Variants in CHFR observed in about 807,000 individuals in gnomAD.
CHFR encodes the protein checkpoint with forkhead and ring finger domains, also known as E3 ubiquitin-protein ligase CHFR.
A neutral mutation model predicts 87.6 loss-of-function variants in CHFR; 57 were observed. The observed-to-expected ratio is 0.65, with a 90% CI of 0.53 to 0.81. The LOEUF (loss-of-function observed/expected upper bound fraction) is 0.81, where lower values mean the gene tolerates loss of function less well. CHFR is among the 30% of genes least tolerant of loss of function. CHFR has a pLI of 0.00. For synonymous variants in CHFR, 381 were observed against 359.2 expected, an observed-to-expected ratio of 1.06 and a Z score of -0.69; for missense variants, 797 against 865.8, an observed-to-expected ratio of 0.92 and a Z score of 1.00.
At chr12:132,878,988 T>G (rs1008945428) in intron 2 of CHFR, among the ~76,000 whole-genome samples, 12 of 138,724 alleles carry the variant, frequency 8.7e-5, no homozygotes, top group Admixed American at 1.5e-4. Context: ...TAGGCATTTG[T>G]TTTTTTTTTT....
At chr12:132,848,923 G>GA in intron 12 of CHFR, 199 bp from the exon 13 acceptor site, 3 of 526,772 alleles carry the variant, frequency 5.7e-6, no homozygotes, top group South Asian at 3.0e-5. Flanking sequence ...TTGTATCCCT[G>GA]AAAAAAGGCG....
rs1298161920 is a variant in CHFR at position 132,872,169 on chromosome 12, T to A, written c.343+116A>T. The A allele has an allele frequency of 4.4e-6, 3 of 687,750 alleles. No homozygotes were observed. In the African/African-American group the frequency reaches 5.3e-5, roughly 12 times the overall value. The allele number at this position is 687,750 out of a possible 1,614,324, so 42.6% of individuals were successfully genotyped here. A position where few individuals can be genotyped will look rare whatever the true frequency, so the allele number is the denominator to read the frequency against. Reference sequence around the variant, plus strand: ...GAACCCATGTGAGCAAGAAATGGGGTGTAGCCAGGAGGAACGTTCCTATGG... The same window carrying A: ...GAACCCATGTGAGCAAGAAATGGGGAGTAGCCAGGAGGAACGTTCCTATGG... On this transcript the variant is annotated intron_variant, in intron 4 of 17. Transcript: ENST00000450056.
At chr12:132,869,500 A>T in intron 6 of CHFR, 119 bp downstream of exon 6, 2 of 852,188 alleles carry the variant, frequency 2.3e-6, no homozygotes, top group Non-Finnish European at 3.7e-6. Context: ...CAGAAATCTC[A>T]CTACTGAGAA....
chr12:132,855,911 C>G (rs1416720488), intron 10 of CHFR, among the ~76,000 whole-genome samples: 1 of 152,034 alleles, frequency 6.6e-6, no homozygotes, highest in Non-Finnish European at 1.5e-5. Context: ...AACATTCAGA[C>G]CCCGGTCTTG....
chr12:132,868,641 C>T (rs1287122085), intron 6 of CHFR, among the ~76,000 whole-genome samples: 2 of 152,264 alleles, frequency 1.3e-5, no homozygotes, highest in Non-Finnish European at 2.9e-5. Context: ...GATCGCACCA[C>T]TGCACTCCAG....
chr12:132,845,885 G>C (rs1950811229), intron 15 of CHFR, among the ~76,000 whole-genome samples: 1 of 152,134 alleles, frequency 6.6e-6, no homozygotes, highest in Non-Finnish European at 1.5e-5. Context: ...CTTATGATTA[G>C]GCATAATTGA....
chr12:132,852,308 T>TTA (rs1465439264), intron 11 of CHFR, among the ~76,000 whole-genome samples: 5 of 152,122 alleles, frequency 3.3e-5, no homozygotes, highest in African/African-American at 1.2e-4. Context: ...AGGTTTTCTA[T>TTA]TATTTCCTAT....
At chr12:132,859,474 C>G (rs977744914) in intron 7 of CHFR, among the ~76,000 whole-genome samples, 13 of 152,098 alleles carry the variant, frequency 8.5e-5, no homozygotes, top group African/African-American at 2.9e-4. Flanking sequence ...CCTCAGCCTC[C>G]TGAGTAGCTG....
At chr12:132,856,391 C>T in intron 10 of CHFR, 77 bp downstream of exon 10, 5 of 1,493,104 alleles carry the variant, frequency 3.3e-6, no homozygotes, top group Non-Finnish European at 4.6e-6. Flanking sequence ...GCTGTCCACC[C>T]AGTAGTGAGC....
Position 132,857,608 on chromosome 12 carries a change from G to A in CHFR, c.912-49C>T, listed in dbSNP as rs776937997. On this transcript the variant is annotated intron_variant, in intron 8 of 17. Coordinates refer to ENST00000450056, the MANE Select transcript of CHFR (RefSeq NM_001161346.2). The stretch of plus-strand genomic sequence containing the variant: ...TCCAGACAGTCCCACAGATGCAACC[G>A]CGACCCTCGACCAAGGTCCGCAGCA... 11 of 1,582,760 alleles carry A rather than the reference G, an allele frequency of 6.9e-6. No homozygotes were observed. In the Admixed American group the frequency reaches 1.1e-4, roughly 15 times the overall value.
At chr12:132,846,020 T>C (rs895393099) in intron 15 of CHFR, among the ~76,000 whole-genome samples, 3 of 152,186 alleles carry the variant, frequency 2.0e-5, no homozygotes, top group Non-Finnish European at 4.4e-5. Context: ...CTTTACTCAC[T>C]AGAAGCAGGG....
intron 17 of CHFR, 112 bp from the exon 18 acceptor site, chr12:132,841,708 C>G: frequency 1.2e-6 from 1 of 864,728 alleles, no homozygotes; most frequent in Non-Finnish European, 2.0e-6. Context: ...GGAAACCATA[C>G]ACAGAAAGAG....
rs1030056723 is a variant in CHFR, at chr12:132,870,628, C to G, written c.403+96G>C. On this transcript the variant is annotated intron_variant, in intron 5 of 17. Transcript: ENST00000450056. Reference sequence around the variant, plus strand: ...TGAGCTGAGATCGCGCCACCGCACTCCAGCCTGGGTAACAGAGCGAGACTC... The same window carrying G: ...TGAGCTGAGATCGCGCCACCGCACTGCAGCCTGGGTAACAGAGCGAGACTC... The G allele has an allele frequency of 1.2e-5, 10 of 857,978 alleles. No individual in the cohort carries two copies. In the Admixed American group the frequency reaches 2.0e-4, roughly 17 times the overall value. 53.1% of individuals were successfully genotyped at this position (857,978 alleles called of 1,614,324 possible).
At position 132,844,153 on chromosome 12, in the gene CHFR, G is replaced by C. The variant is rs776872240; in HGVS notation, c.1736-19C>G. 3 of 1,522,274 alleles carry C rather than the reference G, an allele frequency of 2.0e-6. No homozygotes were observed. Among genetic ancestry groups the C allele is most frequent in the East Asian group, 2.3e-5 (1 of 44,362 alleles). 94.3% of individuals were successfully genotyped at this position (1,522,274 alleles called of 1,614,324 possible). A position where few individuals can be genotyped will look rare whatever the true frequency, so the allele number is the denominator to read the frequency against. On this transcript the variant is annotated intron_variant, in intron 15 of 17. Transcript: ENST00000450056. Reference sequence around the variant, plus strand: ...CTGTAATCTGGAAGAAACACAGCCAGTTACCCAGCAACACCATCTTCCCAA... The same window carrying C: ...CTGTAATCTGGAAGAAACACAGCCACTTACCCAGCAACACCATCTTCCCAA...
In CHFR at chr12:132,872,392, G is replaced by C; in HGVS notation, c.236C>G (p.Thr79Ser). The C allele has an allele frequency of 6.2e-7, 1 of 1,607,258 alleles. No individual in the cohort carries two copies. Among genetic ancestry groups the C allele is most frequent in the Non-Finnish European group, 8.5e-7 (1 of 1,174,858 alleles). ...CAGCTTGTTAATCACTGTTCCACTG[G>C]TGCTGTAAAAAAACAAAAACACAAT... ...SGQVTLEDTSTSGTVINKLKV... is the reference protein window; with the variant it reads ...SGQVTLEDTSSSGTVINKLKV... Residue 79 changes from threonine to serine, a missense_variant and splice_region_variant, in exon 4 of 18, where the codon ACC (threonine) becomes AGC (serine). Thr to Ser is a moderately conservative substitution (Grantham distance 58, BLOSUM62 1). Around this residue, in one of 2 missense-constraint regions of CHFR, gnomAD observed 597 missense variants for 601.2 expected, o/e 0.99. Coordinates refer to ENST00000450056, the MANE Select transcript of CHFR (RefSeq NM_001161346.2).
chr12:132,863,317 G>A (rs1951259572), intron 6 of CHFR, among the ~76,000 whole-genome samples: 1 of 151,476 alleles, frequency 6.6e-6, no homozygotes, highest in African/African-American at 2.4e-5. Flanking sequence ...AGACCAGCCT[G>A]ACCAACACAG....
At chr12:132,865,965 T>A (rs1178184129) in intron 6 of CHFR, 1 of 152,252 alleles carries the variant, frequency 6.6e-6, no homozygotes, top group Non-Finnish European at 1.5e-5. Context: ...TGAGCCACTG[T>A]GCCCAGTGCT....
At chr12:132,861,887 G>C in intron 6 of CHFR, 1 of 486,734 alleles carries the variant, frequency 2.1e-6, no homozygotes, top group East Asian at 3.4e-5. Flanking sequence ...AGATGTCTGT[G>C]ACCAGGCTTA....
At chr12:132,880,663 AAG>A (rs145603023) in intron 2 of CHFR, among the ~76,000 whole-genome samples, 21,522 of 142,230 alleles carry the variant, frequency 0.15, 3,321 homozygotes, top group East Asian at 0.46. Flanking sequence ...GACTCAAAAA[AAG>A]AAAAAAAAAG....
Sources: gnomAD v4.1 joint callset for allele counts (sites outside exome capture counted in the v4.1 genomes callset) on GRCh38, gnomAD v4.1.1 for gene constraint, gnomAD v4.1.1 regional missense constraint, MANE v1.5 for transcripts, NCBI Gene and HGNC (gene_info 2026-07-23, HGNC 2026-07-21) for gene names.